The following PTPRN2 variants were observed in gnomAD, a reference collection of about 807,000 sequenced individuals.
PTPRN2 encodes the protein protein tyrosine phosphatase receptor type N2.
A neutral mutation model predicts 118.8 loss-of-function variants in PTPRN2; 74 were observed. That is an observed-to-expected ratio of 0.62 (90% CI 0.52 to 0.76). The LOEUF is 0.76. PTPRN2 is among the 30% of genes least tolerant of loss of function. PTPRN2 has a pLI of 0.00. For synonymous variants in PTPRN2, 641 were observed against 608.0 expected (o/e 1.05, Z -0.80); for missense variants, 1,481 against 1,394.4 (o/e 1.06, Z -0.99).
At chr7:157,769,137 C>T (rs1377748112) in intron 12 of PTPRN2, among the ~76,000 whole-genome samples, 2 of 152,206 alleles carry the variant, frequency 1.3e-5, no homozygotes, top group East Asian at 1.9e-4. Flanking sequence ...GCCTCCACCG[C>T]GGCCAGCCCA....
In PTPRN2 at chr7:158,071,652, A is replaced by ATGGAGGTGCTCGTGGTGG. The variant is rs1447324101; in HGVS notation, c.1723+9628_1723+9645dup. ...CGTGGTGGTGGAGATGCTCGTGGTG[A>ATGGAGGTGCTCGTGGTGG]TGGAGGTGCTCGTGGTGGTGGAGGT... On this transcript the variant is annotated intron_variant, in intron 11 of 22. Coordinates refer to ENST00000389418, the MANE Select transcript of PTPRN2 (RefSeq NM_002847.5). Among the ~76,000 whole-genome samples, 16 of 24,244 alleles carry ATGGAGGTGCTCGTGGTGG rather than the reference A, an allele frequency of 6.6e-4. 1 individual carries two copies. Among genetic ancestry groups the ATGGAGGTGCTCGTGGTGG allele is most frequent in the African/African-American group, 2.8e-3 (16 of 5,782 alleles). 15.9% of individuals were successfully genotyped at this position (24,244 alleles called of 152,430 possible).
intron 4 of PTPRN2, among the ~76,000 whole-genome samples, chr7:158,196,000 G>A (rs561210413): frequency 1.3e-5 from 2 of 152,228 alleles, no homozygotes; most frequent in African/African-American, 4.8e-5. Flanking sequence ...TATCAGAGCA[G>A]CAATTATCTA....
chr7:157,694,043 C>T (rs1797653664), intron 12 of PTPRN2, among the ~76,000 whole-genome samples: 1 of 152,262 alleles, frequency 6.6e-6, no homozygotes, highest in African/African-American at 2.4e-5. Flanking sequence ...TAGTACAGGC[C>T]AGAGAGCTGG....
At chr7:157,811,479 G>A (rs1234912036) in intron 12 of PTPRN2, among the ~76,000 whole-genome samples, 1 of 151,906 alleles carries the variant, frequency 6.6e-6, no homozygotes, top group Non-Finnish European at 1.5e-5. Flanking sequence ...TGTGTTCAAC[G>A]TCTTGAGATT....
chr7:158,344,116 C>T (rs1050439916), intron 2 of PTPRN2, among the ~76,000 whole-genome samples: 7 of 152,042 alleles, frequency 4.6e-5, no homozygotes, highest in Non-Finnish European at 8.8e-5. Flanking sequence ...GTCCCCCTGC[C>T]GAGGAGCCAG....
At chr7:158,573,196 C>A (rs757728841) in intron 1 of PTPRN2, among the ~76,000 whole-genome samples, 47 of 152,242 alleles carry the variant, frequency 3.1e-4, no homozygotes, top group Non-Finnish European at 4.7e-4. Context: ...ATCAACATTT[C>A]TTTGTATGTC....
chr7:158,389,749 C>G (rs1000551094), intron 2 of PTPRN2, among the ~76,000 whole-genome samples: 26 of 152,230 alleles, frequency 1.7e-4, no homozygotes, highest in African/African-American at 6.0e-4. Flanking sequence ...CGTCGCATTC[C>G]CAGAATAGAA....
intron 3 of PTPRN2, among the ~76,000 whole-genome samples, chr7:158,212,827 T>C (rs1827700735): frequency 6.6e-6 from 1 of 152,212 alleles, no homozygotes; most frequent in Admixed American, 6.5e-5. Context: ...GTATTGTTAC[T>C]GTGAAAGCAA....
Position 158,501,359 on chromosome 7 carries a change from C to T in PTPRN2, c.113-11574G>A, listed in dbSNP as rs959896912. Among the ~76,000 whole-genome samples, 7 of 152,230 alleles carry T rather than the reference C, an allele frequency of 4.6e-5. No individual in the cohort carries two copies. In the South Asian group the frequency reaches 8.3e-4, roughly 18 times the overall value. On this transcript the variant is annotated intron_variant, in intron 1 of 22. Coordinates refer to ENST00000389418, the MANE Select transcript of PTPRN2 (RefSeq NM_002847.5). The stretch of plus-strand genomic sequence containing the variant: ...TCAGAGCCTCTGTACCCCCCGATTT[C>T]AGCAGATGGAGCGCCCCAGTTCAGG...
At chr7:158,249,252 C>A (rs866141366) in intron 3 of PTPRN2, among the ~76,000 whole-genome samples, 11 of 151,508 alleles carry the variant, frequency 7.3e-5, no homozygotes, top group Admixed American at 6.6e-4. Flanking sequence ...ACACATCCTG[C>A]ATGCACACGC....
At chr7:158,087,090 G>A (rs576992764) in intron 10 of PTPRN2, among the ~76,000 whole-genome samples, 11 of 152,296 alleles carry the variant, frequency 7.2e-5, no homozygotes, top group South Asian at 2.1e-4. Context: ...GCTGACATGC[G>A]ACAGGGTTCC....
intron 11 of PTPRN2, among the ~76,000 whole-genome samples, chr7:157,911,937 A>G (rs1798128776): frequency 6.6e-6 from 1 of 152,152 alleles, no homozygotes. Context: ...TTGCTGTGTG[A>G]CTGCATTCTA....
intron 3 of PTPRN2, among the ~76,000 whole-genome samples, chr7:158,305,607 T>C (rs1443528734): frequency 4.6e-5 from 7 of 152,026 alleles, no homozygotes; most frequent in African/African-American, 9.7e-5. Flanking sequence ...CAGATGAACG[T>C]TGAGGAGAGG....
At chr7:158,224,577 C>T (rs1007798473) in intron 3 of PTPRN2, among the ~76,000 whole-genome samples, 1 of 152,096 alleles carries the variant, frequency 6.6e-6, no homozygotes, top group Non-Finnish European at 1.5e-5. Flanking sequence ...TCACAGTCTA[C>T]ACAAAAGCAA....
intron 3 of PTPRN2, among the ~76,000 whole-genome samples, chr7:158,299,810 G>C (rs887919550): frequency 6.6e-6 from 1 of 152,158 alleles, no homozygotes; most frequent in Admixed American, 6.5e-5. Context: ...AGGCCCCCCA[G>C]GGAAGCCCTG....
chr7:158,579,623 G>A (rs1233189459), intron 1 of PTPRN2, among the ~76,000 whole-genome samples: 3 of 152,174 alleles, frequency 2.0e-5, no homozygotes, highest in South Asian at 4.1e-4. Flanking sequence ...CTGTCAACAC[G>A]CTGCATGGAA....
chr7:157,952,405 C>CG (rs1800881342), intron 11 of PTPRN2, among the ~76,000 whole-genome samples: 1 of 27,052 alleles, frequency 3.7e-5, no homozygotes, highest in African/African-American at 1.4e-4. Flanking sequence ...ATCCCTGAGA[C>CG]GGGGTGGGGG....
chr7:157,666,414 T>A (rs1775830631), intron 13 of PTPRN2, among the ~76,000 whole-genome samples: 1 of 152,100 alleles, frequency 6.6e-6, no homozygotes, highest in South Asian at 2.1e-4. Context: ...AGGGCACGGT[T>A]TTGCAGGTCA....
At chr7:158,441,244 AGGTG>A in intron 2 of PTPRN2, among the ~76,000 whole-genome samples, 1 of 59,300 alleles carries the variant, frequency 1.7e-5, no homozygotes, top group South Asian at 5.8e-4. Flanking sequence ...ATGGCAATGA[AGGTG>A]ATGGTGATGG....
Sources: gnomAD v4.1 joint callset for allele counts (sites outside exome capture counted in the v4.1 genomes callset) on GRCh38, gnomAD v4.1.1 for gene constraint, MANE v1.5 for transcripts, NCBI Gene and HGNC (gene_info 2026-07-23, HGNC 2026-07-21) for gene names.